The following PPP3R1 variants were observed in gnomAD, a reference collection of about 807,000 sequenced individuals.
The protein encoded by PPP3R1 is calcineurin subunit B type 1.
PPP3R1 carries 5 observed loss-of-function variants against 22.6 expected under a neutral mutation model. The observed-to-expected ratio is 0.22, with a 90% CI of 0.12 to 0.46. The LOEUF (loss-of-function observed/expected upper bound fraction) is 0.46, where lower values mean the gene tolerates loss of function less well. Ranked by LOEUF, PPP3R1 falls within the 20% of genes least tolerant of loss-of-function variation. The probability of loss-of-function intolerance (pLI) is 0.99; values close to 1 mark genes in which losing one functional copy is unlikely to be tolerated. For synonymous variants in PPP3R1, 56 were observed against 65.2 expected (o/e 0.86, Z 0.68); for missense variants, 61 against 203.2 (o/e 0.30, Z 4.25).
chr2:68,206,188 G>A (rs568824669), intron 2 of PPP3R1, among the ~76,000 whole-genome samples: 2 of 152,282 alleles, frequency 1.3e-5, no homozygotes, highest in East Asian at 3.9e-4. Context: ...CAAAATCAAA[G>A]AGAAGTCGAC....
At chr2:68,247,928 T>TG (rs1670267023) in intron 1 of PPP3R1, among the ~76,000 whole-genome samples, 2 of 152,204 alleles carry the variant, frequency 1.3e-5, no homozygotes, top group South Asian at 4.2e-4. Context: ...ATCTATCCTA[T>TG]TATCCACCCG....
At chr2:68,192,612 AAATG>A (rs1360218585) in intron 2 of PPP3R1, among the ~76,000 whole-genome samples, 5 of 152,190 alleles carry the variant, frequency 3.3e-5, no homozygotes, top group African/African-American at 9.6e-5. Context: ...CAGTCTTAAT[AAATG>A]AATAAAAAAT....
chr2:68,199,308 G>C (rs1674907694), intron 2 of PPP3R1, among the ~76,000 whole-genome samples: 1 of 152,120 alleles, frequency 6.6e-6, no homozygotes, highest in Non-Finnish European at 1.5e-5. Flanking sequence ...AAATTACACT[G>C]TTTGGGTATA....
At chr2:68,187,583 A>C (rs1674572387) in intron 3 of PPP3R1, among the ~76,000 whole-genome samples, 2 of 152,174 alleles carry the variant, frequency 1.3e-5, no homozygotes, top group Admixed American at 6.5e-5. Flanking sequence ...AAAACATATT[A>C]TTTAAGTTGT....
At chr2:68,182,781 A>T (rs1674441988) in intron 5 of PPP3R1, among the ~76,000 whole-genome samples, 1 of 151,810 alleles carries the variant, frequency 6.6e-6, no homozygotes, top group South Asian at 2.1e-4. Flanking sequence ...TACAATACAG[A>T]TAAACAGAAC....
chr2:68,181,087 T>C, intron 5 of PPP3R1, 77 bp from the exon 6 acceptor site: 2 of 1,409,850 alleles, frequency 1.4e-6, no homozygotes, highest in Non-Finnish European at 2.0e-6. Context: ...CTTCATCAAA[T>C]TTTAAAAAAT....
intron 2 of PPP3R1, among the ~76,000 whole-genome samples, chr2:68,216,495 TAATG>T (rs574600304): frequency 1.4e-3 from 218 of 152,036 alleles, no homozygotes; most frequent in African/African-American, 5.1e-3. Context: ...AAAAAGGACT[TAATG>T]AATGCTGTGT....
At chr2:68,249,337 C>G (rs1037520428) in intron 1 of PPP3R1, among the ~76,000 whole-genome samples, 2 of 151,616 alleles carry the variant, frequency 1.3e-5, no homozygotes, top group African/African-American at 4.8e-5. Flanking sequence ...GCCACAGAAT[C>G]TGAACTAGAA....
intron 2 of PPP3R1, 135 bp from the exon 3 acceptor site, chr2:68,188,825 T>C: frequency 1.5e-6 from 1 of 685,238 alleles, no homozygotes; most frequent in Non-Finnish European, 2.4e-6. Flanking sequence ...TATCCAATAG[T>C]TTAATTTCCA....
At chr2:68,194,498 T>C (rs1674729706) in intron 2 of PPP3R1, among the ~76,000 whole-genome samples, 1 of 152,088 alleles carries the variant, frequency 6.6e-6, no homozygotes, top group Admixed American at 6.6e-5. Context: ...AAATAGAAGG[T>C]TACATATTCA....
chr2:68,197,297 C>G (rs1306859665), intron 2 of PPP3R1, among the ~76,000 whole-genome samples: 1 of 152,118 alleles, frequency 6.6e-6, no homozygotes, highest in Non-Finnish European at 1.5e-5. Flanking sequence ...ACAGTAGGTA[C>G]TCGCGTCTAT....
intron 5 of PPP3R1, 35 bp downstream of exon 5, chr2:68,186,433 A>C (rs770753090): frequency 6.5e-7 from 1 of 1,546,698 alleles, no homozygotes; most frequent in Non-Finnish European, 8.8e-7. Context: ...TTGCTGAAAC[A>C]TAACTAACGG....
intron 1 of PPP3R1, among the ~76,000 whole-genome samples, chr2:68,224,650 C>A (rs1441798776): frequency 5.4e-5 from 8 of 146,872 alleles, no homozygotes; most frequent in African/African-American, 1.8e-4. Flanking sequence ...GGCAGCAGAG[C>A]AAGACTCGTC....
intron 1 of PPP3R1, among the ~76,000 whole-genome samples, chr2:68,247,424 T>C (rs935409265): frequency 6.6e-6 from 1 of 152,252 alleles, no homozygotes; most frequent in African/African-American, 2.4e-5. Context: ...TTCAAACACA[T>C]GTGCCTCTTT....
At chr2:68,251,821 G>A (rs1300677239) in intron 1 of PPP3R1, among the ~76,000 whole-genome samples, 2 of 149,864 alleles carry the variant, frequency 1.3e-5, no homozygotes, top group Admixed American at 6.6e-5. Context: ...CGGTGCCCGC[G>A]GGGGTCGATG....
At chr2:68,243,984 G>T (rs1160473989) in intron 1 of PPP3R1, among the ~76,000 whole-genome samples, 1 of 152,038 alleles carries the variant, frequency 6.6e-6, no homozygotes, top group Non-Finnish European at 1.5e-5. Flanking sequence ...CTGGGGGAGG[G>T]GTGGCCAGGG....
chr2:68,211,804 T>C (rs1283074820), intron 2 of PPP3R1, among the ~76,000 whole-genome samples: 1 of 152,192 alleles, frequency 6.6e-6, no homozygotes, highest in African/African-American at 2.4e-5. Context: ...ACCACTTTCT[T>C]TACTCACCCA....
In PPP3R1 at chr2:68,186,664, G is replaced by T; in HGVS notation, c.281-12C>A. 6.3e-7 allele frequency: 1 copy of T among 1,587,732 alleles called. No homozygotes were observed. Among genetic ancestry groups the T allele is most frequent in the Non-Finnish European group, 8.6e-7 (1 of 1,165,072 alleles). ...GATACGGAAAGCAACTAAAAAAAAG[G>T]AAGGAAAATCAATTCCAATTACAAA... is the stretch of plus-strand genomic sequence containing the variant. On this transcript the variant is annotated splice_polypyrimidine_tract_variant and intron_variant, in intron 4 of 5. Transcript: ENST00000234310.
At chr2:68,232,122 T>TACACACACACAAAA (rs1165774321) in intron 1 of PPP3R1, among the ~76,000 whole-genome samples, 11 of 48,170 alleles carry the variant, frequency 2.3e-4, no homozygotes, top group East Asian at 1.3e-3. Context: ...TATATATATA[T>TACACACACACAAAA]ATACACACAC....
Sources: gnomAD v4.1 joint callset for allele counts (sites outside exome capture counted in the v4.1 genomes callset) on GRCh38, gnomAD v4.1.1 for gene constraint, MANE v1.5 for transcripts, NCBI Gene and HGNC (gene_info 2026-07-23, HGNC 2026-07-21) for gene names.